THSD7B: variants seen among roughly 807,000 people sequenced by gnomAD.
The protein encoded by THSD7B is thrombospondin type 1 domain containing 7B, also known as thrombospondin type-1 domain-containing protein 7B.
A neutral mutation model predicts 213.6 loss-of-function variants in THSD7B; 138 were observed. The observed-to-expected ratio is 0.65, with a 90% confidence interval of 0.56 to 0.74. The LOEUF is 0.74. Among genes scored for constraint, THSD7B ranks in the 30% least tolerant of loss-of-function variants. The pLI, the probability that THSD7B is intolerant of heterozygous loss-of-function variation, is 0.00. For missense variants in THSD7B, 1,931 were observed against 1,991.5 expected (o/e 0.97, Z 0.58); for synonymous variants, 742 against 687.0 (o/e 1.08, Z -1.25).
chr2:137,499,017 C>G (rs1218434331), intron 15 of THSD7B, among the ~76,000 whole-genome samples: 1 of 152,062 alleles, frequency 6.6e-6, no homozygotes, highest in Admixed American at 6.5e-5. Context: ...ACAGGATCTC[C>G]CTTACGTAAT....
intron 1 of THSD7B, among the ~76,000 whole-genome samples, chr2:136,830,281 G>T (rs1198512288): frequency 6.6e-6 from 1 of 152,136 alleles, no homozygotes; most frequent in South Asian, 2.1e-4. Context: ...AATTTTTTAT[G>T]TAAAACTGTT....
chr2:137,527,860 T>G (rs1394904575), intron 15 of THSD7B, among the ~76,000 whole-genome samples: 2 of 152,080 alleles, frequency 1.3e-5, no homozygotes, highest in African/African-American at 4.8e-5. Context: ...CAGTGAAAGT[T>G]AACATGGAGA....
chr2:137,503,551 T>A (rs1021376729), intron 15 of THSD7B, among the ~76,000 whole-genome samples: 13 of 152,282 alleles, frequency 8.5e-5, no homozygotes, highest in African/African-American at 3.1e-4. Flanking sequence ...GAGAAGAATA[T>A]CAAGTGATGC....
intron 13 of THSD7B, among the ~76,000 whole-genome samples, chr2:137,407,420 A>G (rs1686550370): frequency 6.6e-6 from 1 of 152,164 alleles, no homozygotes; most frequent in Non-Finnish European, 1.5e-5. Flanking sequence ...TAGCAATTTC[A>G]TGAAATACAT....
rs553078021 is a variant in THSD7B at position 136,908,833 on chromosome 2, A to G, written c.139+26516A>G. Among the ~76,000 whole-genome samples, 230 of 152,274 alleles carry G rather than the reference A, an allele frequency of 1.5e-3. 2 individuals are homozygous for G. The highest frequency in any genetic ancestry group is 5.0e-3 in the African/African-American group (207 of 41,554). On this transcript the variant is annotated intron_variant, in intron 2 of 27. Coordinates refer to ENST00000409968, the MANE Select transcript of THSD7B (RefSeq NM_001316349.2). ...ATGTTTTCTGAATAAATAAGAGTAG[A>G]ACATCATTTAACAAGTAAACTTATG...
intron 1 of THSD7B, among the ~76,000 whole-genome samples, chr2:136,816,979 G>T (rs867375422): frequency 6.6e-6 from 1 of 152,122 alleles, no homozygotes; most frequent in Non-Finnish European, 1.5e-5. Flanking sequence ...TATTGCAATT[G>T]ATTCTCTCCA....
intron 15 of THSD7B, among the ~76,000 whole-genome samples, chr2:137,507,866 A>G (rs1679872445): frequency 6.6e-6 from 1 of 152,124 alleles, no homozygotes; most frequent in South Asian, 2.1e-4. Context: ...ATTTGGGCTA[A>G]AATAATTACC....
At position 137,411,487 on chromosome 2, in the gene THSD7B, T is replaced by G. The variant is rs985248636; in HGVS notation, c.2696-122T>G. 21 of 903,746 alleles carry G rather than the reference T, an allele frequency of 2.3e-5. No individual in the cohort carries two copies. The South Asian group carries it at 3.8e-4, about 17-fold the overall frequency. 56.0% of individuals were successfully genotyped at this position (903,746 alleles called of 1,614,324 possible). A position where few individuals can be genotyped will look rare whatever the true frequency, so the allele number is the denominator to read the frequency against. On this transcript the variant is annotated intron_variant, in intron 13 of 27. Transcript: ENST00000409968. ...AGGATTTACTTTCATGACAAAAGAG[T>G]GAAGAAAACAAAGGCTTTATTTTAT... is the stretch of plus-strand genomic sequence containing the variant.
At chr2:137,481,927 C>A (rs1229683811) in intron 15 of THSD7B, among the ~76,000 whole-genome samples, 1 of 152,144 alleles carries the variant, frequency 6.6e-6, no homozygotes, top group Non-Finnish European at 1.5e-5. Flanking sequence ...CCTGTAATCC[C>A]AGCACTTTAG....
At chr2:137,653,128 T>C (rs1683170005) in intron 21 of THSD7B, among the ~76,000 whole-genome samples, 1 of 152,176 alleles carries the variant, frequency 6.6e-6, no homozygotes, top group Non-Finnish European at 1.5e-5. Flanking sequence ...TGGTGAATTC[T>C]CTCAGCTTTT....
At chr2:136,892,893 C>A (rs1347432532) in intron 2 of THSD7B, among the ~76,000 whole-genome samples, 1 of 152,146 alleles carries the variant, frequency 6.6e-6, no homozygotes, top group African/African-American at 2.4e-5. Context: ...TTTTACATTG[C>A]AAAGCCGCTT....
At chr2:137,532,136 A>G (rs997873157) in intron 15 of THSD7B, among the ~76,000 whole-genome samples, 12 of 151,976 alleles carry the variant, frequency 7.9e-5, no homozygotes, top group African/African-American at 2.9e-4. Context: ...TAGGAGTTCA[A>G]TAAATGTTTG....
At chr2:136,886,128 G>C (rs1485043533) in intron 2 of THSD7B, among the ~76,000 whole-genome samples, 1 of 152,168 alleles carries the variant, frequency 6.6e-6, no homozygotes, top group African/African-American at 2.4e-5. Context: ...GAGTGAACAT[G>C]GGGAGGGTGA....
intron 1 of THSD7B, among the ~76,000 whole-genome samples, chr2:136,878,196 T>C (rs1468555656): frequency 6.6e-6 from 1 of 152,222 alleles, no homozygotes; most frequent in Admixed American, 6.5e-5. Flanking sequence ...TTGCAATAGT[T>C]TGCTGAGAAT....
At position 136,897,186 on chromosome 2, in the gene THSD7B, C is replaced by T. The variant is rs1327514102; in HGVS notation, c.139+14869C>T. The stretch of plus-strand genomic sequence containing the variant: ...GCCTAGAGATCATTATAGAAAGAAT[C>T]ATTCTCTTAATGTGTCCGTAACTGG... On this transcript the variant is annotated intron_variant, in intron 2 of 27. Coordinates refer to ENST00000409968, the MANE Select transcript of THSD7B (RefSeq NM_001316349.2). Among the ~76,000 whole-genome samples, 22 of 152,078 alleles carry T rather than the reference C, an allele frequency of 1.4e-4. 1 individual carries two copies. Among genetic ancestry groups the T allele is most frequent in the Non-Finnish European group, 2.9e-4 (20 of 68,024 alleles).
chr2:137,294,212 A>G (rs1683402581), intron 12 of THSD7B, among the ~76,000 whole-genome samples: 2 of 152,074 alleles, frequency 1.3e-5, no homozygotes, highest in Admixed American at 6.6e-5. Context: ...TGTACACTCT[A>G]CAGGGTAGTC....
chr2:137,623,315 G>A (rs1682557628), intron 20 of THSD7B, among the ~76,000 whole-genome samples: 1 of 152,162 alleles, frequency 6.6e-6, no homozygotes, highest in African/African-American at 2.4e-5. Flanking sequence ...ACTAGGTATT[G>A]ATGGGACATA....
intron 1 of THSD7B, among the ~76,000 whole-genome samples, chr2:136,795,695 A>T (rs546257480): frequency 6.6e-6 from 1 of 151,816 alleles, no homozygotes; most frequent in East Asian, 1.9e-4. Flanking sequence ...TCTTGCCTTT[A>T]TTTTCTATTT....
intron 2 of THSD7B, among the ~76,000 whole-genome samples, chr2:137,035,216 G>C (rs1377701530): frequency 6.6e-6 from 1 of 152,140 alleles, no homozygotes; most frequent in Non-Finnish European, 1.5e-5. Flanking sequence ...TGCTGTCGAT[G>C]TACCTACTTC....
Sources: allele counts gnomAD v4.1 joint callset (sites outside exome capture counted in the v4.1 genomes callset), GRCh38; gene constraint gnomAD v4.1.1; transcripts MANE v1.5; gene names NCBI Gene and HGNC (gene_info 2026-07-23, HGNC 2026-07-21).